The following RNF141 variants were observed in gnomAD, a reference collection of about 807,000 sequenced individuals.
RNF141 encodes C3HC4-like zinc finger protein.
A neutral mutation model predicts 27.4 loss-of-function variants in RNF141; 18 were observed. The ratio of observed to expected loss-of-function variants is 0.66; its 90% CI spans 0.45 to 0.97. The LOEUF is 0.97. RNF141 is among the 50% of genes least tolerant of loss of function. The pLI is 0.00. For synonymous variants in RNF141, 97 were observed against 96.6 expected (o/e 1.00, Z -0.02); for missense variants, 230 against 279.4 (o/e 0.82, Z 1.26).
At chr11:10,539,515 A>G (rs1012745253) in intron 1 of RNF141, among the ~76,000 whole-genome samples, 1 of 150,952 alleles carries the variant, frequency 6.6e-6, no homozygotes, top group Non-Finnish European at 1.5e-5. Context: ...CCCTAAGGAT[A>G]TTATTTACTT....
intron 4 of RNF141, 124 bp from the exon 5 acceptor site, chr11:10,519,265 T>C (rs1591496555): frequency 6.3e-6 from 4 of 638,250 alleles, no homozygotes; most frequent in Non-Finnish European, 1.0e-5. Flanking sequence ...ATATGACTCA[T>C]GTGCAAAATC....
chr11:10,519,997 C>A (rs1321664629), intron 4 of RNF141, among the ~76,000 whole-genome samples: 3 of 152,062 alleles, frequency 2.0e-5, no homozygotes, highest in African/African-American at 7.3e-5. Context: ...GCAAAAAAAT[C>A]TCATGTTTTA....
At chr11:10,539,690 A>ATG in intron 1 of RNF141, among the ~76,000 whole-genome samples, 1 of 93,454 alleles carries the variant, frequency 1.1e-5, no homozygotes. Flanking sequence ...AAAGATACAT[A>ATG]CATATATATT....
intron 1 of RNF141, among the ~76,000 whole-genome samples, chr11:10,538,535 T>C (rs748902382): frequency 6.6e-6 from 1 of 152,236 alleles, no homozygotes; most frequent in Non-Finnish European, 1.5e-5. Context: ...TCTATCATAC[T>C]ATGACATTCG....
chr11:10,533,525 GAC>G (rs1850007313), intron 2 of RNF141, among the ~76,000 whole-genome samples: 1 of 145,686 alleles, frequency 6.9e-6, no homozygotes, highest in Non-Finnish European at 1.5e-5. Flanking sequence ...GCAAAATGAT[GAC>G]ACAGTAAAAA....
At chr11:10,539,016 T>G (rs188396303) in intron 1 of RNF141, among the ~76,000 whole-genome samples, 273 of 152,334 alleles carry the variant, frequency 1.8e-3, no homozygotes, top group Middle Eastern at 3.4e-3. Flanking sequence ...CAGTCATTTT[T>G]TGCAAGATAA....
At chr11:10,529,052 G>C (rs61891444) in intron 3 of RNF141, among the ~76,000 whole-genome samples, 11 of 48,836 alleles carry the variant, frequency 2.3e-4, no homozygotes, top group Non-Finnish European at 5.0e-4. Flanking sequence ...AATAAAAGGT[G>C]TGGCAGAAAC....
At chr11:10,539,985 G>C (rs1016167429) in intron 1 of RNF141, among the ~76,000 whole-genome samples, 3 of 151,842 alleles carry the variant, frequency 2.0e-5, no homozygotes, top group Non-Finnish European at 4.4e-5. Context: ...TCATATTCTT[G>C]AGAAAAAGTT....
intron 1 of RNF141, among the ~76,000 whole-genome samples, chr11:10,539,171 T>C (rs1254251615): frequency 6.6e-6 from 1 of 152,218 alleles, no homozygotes; most frequent in Non-Finnish European, 1.5e-5. Context: ...AAATGAATTG[T>C]GGAAGTTCAA....
Position 10,530,652 on chromosome 11 carries a change from G to C in RNF141, c.243C>G (p.Val81=). Residue 81 remains valine (V), a synonymous_variant, in exon 3 of 6, where the codon GTC becomes GTG. Coordinates refer to ENST00000265981, the MANE Select transcript of RNF141 (RefSeq NM_016422.4). ...SAFWKVVVRV[V]CTKINKSSGI... is the part of the protein sequence containing the mutation. ...TCTCCATCAGTCTCACCTTGGTACA[G>C]ACCACCCGTACAACCACTTTCCAAA... The C allele has an allele frequency of 6.2e-7, 1 of 1,602,820 alleles. No individual in the cohort carries two copies.
chr11:10,536,784 A>G (rs1850040973), intron 1 of RNF141, among the ~76,000 whole-genome samples: 1 of 152,204 alleles, frequency 6.6e-6, no homozygotes, highest in South Asian at 2.1e-4. Context: ...TTTAATCAAA[A>G]TAAGTCAACA....
chr11:10,533,877 T>A, intron 2 of RNF141, 139 bp downstream of exon 2: 1 of 699,414 alleles, frequency 1.4e-6, no homozygotes, highest in East Asian at 2.9e-5. Context: ...TAATAGATAC[T>A]CAATAAGTAT....
intron 5 of RNF141, 32 bp from the exon 6 acceptor site, chr11:10,515,098 T>C: frequency 6.4e-7 from 1 of 1,572,598 alleles, no homozygotes. Context: ...AACAGTTTGC[T>C]TTCTTCTTTT....
chr11:10,518,364 A>G (rs1312041418), intron 5 of RNF141: 1 of 152,216 alleles, frequency 6.6e-6, no homozygotes, highest in Non-Finnish European at 1.5e-5. Flanking sequence ...CAATAGGTGA[A>G]TAAACAAGCT....
chr11:10,523,389 T>C (rs1849905039), intron 4 of RNF141, among the ~76,000 whole-genome samples: 1 of 152,248 alleles, frequency 6.6e-6, no homozygotes, highest in African/African-American at 2.4e-5. Flanking sequence ...CTCAGATTCT[T>C]TGGCTGAAAT....
At chr11:10,530,537 C>G in intron 3 of RNF141, 106 bp downstream of exon 3, 1 of 540,530 alleles carries the variant, frequency 1.9e-6, no homozygotes, top group South Asian at 4.3e-5. Context: ...TACAAAACCA[C>G]CGAGTTATTA....
intron 1 of RNF141, 45 bp from the exon 2 acceptor site, chr11:10,534,250 C>A: frequency 1.5e-6 from 2 of 1,333,308 alleles, no homozygotes. Context: ...TATACAAAAA[C>A]GGCAATATAC....
chr11:10,537,230 A>G (rs7938782), intron 1 of RNF141, among the ~76,000 whole-genome samples: 28,633 of 152,114 alleles, frequency 0.19, 3,462 homozygotes, highest in African/African-American at 0.33. Flanking sequence ...GGAAGTGTTT[A>G]GGTAAAGATT....
chr11:10,521,135 C>A (rs1003476203), intron 4 of RNF141, among the ~76,000 whole-genome samples: 5 of 152,196 alleles, frequency 3.3e-5, no homozygotes, highest in Admixed American at 2.0e-4. Flanking sequence ...ATTCAGAGAG[C>A]CCCTGAATGA....
Sources: gnomAD v4.1 joint callset for allele counts (sites outside exome capture counted in the v4.1 genomes callset) on GRCh38, gnomAD v4.1.1 for gene constraint, MANE v1.5 for transcripts, NCBI Gene and HGNC (gene_info 2026-07-23, HGNC 2026-07-21) for gene names.